Variants in MBD4 observed in about 807,000 individuals in gnomAD.
MBD4 encodes methyl-CpG binding domain 4, DNA glycosylase, also known as methyl-CpG-binding domain protein 4.
A neutral mutation model predicts 60.2 loss-of-function variants in MBD4; 53 were observed. The ratio of observed to expected loss-of-function variants is 0.88; its 90% CI spans 0.71 to 1.11. The LOEUF is 1.11. Ranked by LOEUF, MBD4 falls within the 50% of genes least tolerant of loss-of-function variation. The pLI is 0.00. For missense variants in MBD4, 619 were observed against 674.0 expected (o/e 0.92, Z 0.90); for synonymous variants, 231 against 229.8 (o/e 1.01, Z -0.05).
rs761201281 is a variant in MBD4 at position 129,436,506 on chromosome 3, A to G, written c.1138T>C (p.Ser380Pro). Residue 380 changes from serine (S) to proline (P), a missense_variant, in exon 3 of 8, where the codon TCT (serine) becomes CCT (proline). Ser to Pro is a moderately conservative substitution (Grantham distance 74). Transcript: ENST00000429544. Reference sequence around the variant, plus strand: ...GGTGAGCAGTTGTTGTCCATTTCAGAGCCACGTTTTAAAATGTCAGTATGC... The same window carrying G: ...GGTGAGCAGTTGTTGTCCATTTCAGGGCCACGTTTTAAAATGTCAGTATGC... ...HLHTDILKRG[S>P]EMDNNCSPTR... The G allele has an allele frequency of 4.3e-6, 7 of 1,614,086 alleles. No individual in the cohort carries two copies. The highest frequency in any genetic ancestry group is 1.1e-5 in the South Asian group (1 of 91,076).
At chr3:129,432,907 T>C (rs2072380266) in intron 6 of MBD4, among the ~76,000 whole-genome samples, 191 bp downstream of exon 6, 1 of 152,236 alleles carries the variant, frequency 6.6e-6, no homozygotes, top group Non-Finnish European at 1.5e-5. Flanking sequence ...GACCCAGTGC[T>C]GGGCAAAGAT....
rs965376057 is a variant in MBD4 at position 129,431,302 on chromosome 3, A to T, written c.*199T>A. ...TTGTTGTCAAATAATAATTTATTTT[A>T]AAAAAATCTCAAAACATGTTCAAAC... is the stretch of plus-strand genomic sequence containing the variant. On this transcript the variant is annotated 3_prime_UTR_variant, in exon 8 of 8. Coordinates refer to ENST00000429544, the MANE Select transcript of MBD4 (RefSeq NM_001276270.2). 55 of 542,014 alleles carry T rather than the reference A, an allele frequency of 1.0e-4. No homozygotes were observed. The highest frequency in any genetic ancestry group is 8.4e-4 in the East Asian group (28 of 33,218). 33.6% of individuals were successfully genotyped at this position (542,014 alleles called of 1,614,324 possible).
chr3:129,437,548 G>A (rs2072490320), intron 2 of MBD4, among the ~76,000 whole-genome samples, 172 bp downstream of exon 2: 1 of 152,198 alleles, frequency 6.6e-6, no homozygotes, highest in African/African-American at 2.4e-5. Context: ...GGGACAAAAT[G>A]TATGTAATTT....
intron 4 of MBD4, 23 bp downstream of exon 4, chr3:129,434,039 T>G (rs2072408349): frequency 6.2e-7 from 1 of 1,613,938 alleles, no homozygotes; most frequent in South Asian, 1.1e-5. Flanking sequence ...TAGAATTTGC[T>G]GTTCTGATTG....
At chr3:129,431,820 G>T (rs2107747991) in intron 7 of MBD4, among the ~76,000 whole-genome samples, 1 of 152,294 alleles carries the variant, frequency 6.6e-6, no homozygotes, top group South Asian at 2.1e-4. Context: ...CTTAGAATGT[G>T]GGGTGGCGAT....
rs2072366511 is a variant in MBD4, at chr3:129,432,499, T to C, written c.1647+4A>G. On this transcript the variant is annotated splice_donor_region_variant and intron_variant, in intron 7 of 7. Coordinates refer to ENST00000429544, the MANE Select transcript of MBD4 (RefSeq NM_001276270.2). Reference sequence around the variant, plus strand: ...GCTGAATTATGGATGGGAGTGAGCCTCACCTGCTTCCACTCATTGACACAA... The same window carrying C: ...GCTGAATTATGGATGGGAGTGAGCCCCACCTGCTTCCACTCATTGACACAA... 1 of 1,614,220 alleles carries C rather than the reference T, an allele frequency of 6.2e-7. No homozygotes were observed. Among genetic ancestry groups the C allele is most frequent in the Non-Finnish European group, 8.5e-7 (1 of 1,180,036 alleles).
chr3:129,432,576 G>A lies in MBD4; in HGVS notation c.1574C>T (p.Pro525Leu), dbSNP rs1183301238. Residue 525 changes from proline to leucine, a missense_variant, in exon 7 of 8, where the codon CCA becomes CTA. Coordinates refer to ENST00000429544, the MANE Select transcript of MBD4 (RefSeq NM_001276270.2). ...DEYLTKQWKY[P>L]IELHGIGKYG... Reference sequence around the variant, plus strand: ...TTTACCAATCCCATGAAGCTCAATTGGATACTTCCACTGCTTTGTCAGGTA... The same window carrying A: ...TTTACCAATCCCATGAAGCTCAATTAGATACTTCCACTGCTTTGTCAGGTA... The A allele has an allele frequency of 1.2e-6, 2 of 1,614,020 alleles. No homozygotes were observed. Among genetic ancestry groups the A allele is most frequent in the Admixed American group, 3.3e-5 (2 of 60,016 alleles).
rs370401547 is a variant in MBD4 at position 129,431,452 on chromosome 3, T to A, written c.*49A>T. 1.4e-6 allele frequency: 2 copies of A among 1,477,616 alleles called. No individual in the cohort carries two copies. Among genetic ancestry groups the A allele is most frequent in the Non-Finnish European group, 9.5e-7 (1 of 1,057,892 alleles). The allele number at this position is 1,477,616 out of a possible 1,614,324, so 91.5% of individuals were successfully genotyped here. ...GGTTGGTTGTACTTAATTAAGCTTT[T>A]TTGAAGTGCAAAGCTATGCATAACA... is the stretch of plus-strand genomic sequence containing the variant. On this transcript the variant is annotated 3_prime_UTR_variant, in exon 8 of 8. Coordinates refer to ENST00000429544, the MANE Select transcript of MBD4 (RefSeq NM_001276270.2).
chr3:129,434,649 C>G (rs2072423566), intron 3 of MBD4, among the ~76,000 whole-genome samples: 1 of 152,060 alleles, frequency 6.6e-6, no homozygotes, highest in South Asian at 2.1e-4. Flanking sequence ...AAAGGGGAAA[C>G]ATATATAAAT....
rs1235766182 is a variant in MBD4, at chr3:129,436,504, A to C, written c.1140T>G (p.Ser380=). 1 of 1,614,034 alleles carries C rather than the reference A, an allele frequency of 6.2e-7. No individual in the cohort carries two copies. The highest frequency in any genetic ancestry group is 1.3e-5 in the African/African-American group (1 of 74,936). Residue 380 remains serine (S), a synonymous_variant, in exon 3 of 8, where the codon TCT becomes TCG. Transcript: ENST00000429544. ...HLHTDILKRG[S]EMDNNCSPTR... ...TTGGTGAGCAGTTGTTGTCCATTTC[A>C]GAGCCACGTTTTAAAATGTCAGTAT...
chr3:129,434,062 C>A lies in MBD4; in HGVS notation c.1258G>T (p.Ala420Ser). 1.2e-6 allele frequency: 2 copies of A among 1,613,974 alleles called. No homozygotes were observed. Among genetic ancestry groups the A allele is most frequent in the Non-Finnish European group, 1.7e-6 (2 of 1,179,930 alleles). Residue 420 changes from alanine (A) to serine (S), a missense_variant and splice_region_variant, in exon 4 of 8, where the codon GCT (alanine) becomes TCT (serine). By Grantham distance (99) the Ala-to-Ser change is moderately conservative. Coordinates refer to ENST00000429544, the MANE Select transcript of MBD4 (RefSeq NM_001276270.2). The part of the protein sequence containing the change: ...LYFSSKYNKE[A>S]LSPPRRKAFK... The stretch of plus-strand genomic sequence containing the variant: ...GCTGTTCTGATTGGGAAAGGGATAC[C>A]TTCTTTGTTATATTTGCTGGAAAAA...
chr3:129,439,944 T>C lies in MBD4; in HGVS notation c.-111A>G, dbSNP rs2072721155. 3 of 855,990 alleles carry C rather than the reference T, an allele frequency of 3.5e-6. No homozygotes were observed. Among genetic ancestry groups the C allele is most frequent in the South Asian group, 2.8e-5 (2 of 70,200 alleles). 53.0% of individuals were successfully genotyped at this position (855,990 alleles called of 1,614,324 possible). On this transcript the variant is annotated 5_prime_UTR_variant, in exon 1 of 8. Coordinates refer to ENST00000429544, the MANE Select transcript of MBD4 (RefSeq NM_001276270.2). ...ACGGCACCGGGCTGCAACCGAGGTC[T>C]GAATGTTGCGAAAGCGCCCCAGACG...
chr3:129,434,258 C>T (rs2072415710), intron 3 of MBD4, 122 bp from the exon 4 acceptor site: 3 of 769,070 alleles, frequency 3.9e-6, no homozygotes, highest in East Asian at 2.6e-5. Context: ...AAGCCCTTTA[C>T]ATAAATACCC....
Position 129,436,857 on chromosome 3 carries a change from T to G in MBD4, c.787A>C (p.Lys263Gln). 1 of 1,614,186 alleles carries G rather than the reference T, an allele frequency of 6.2e-7. No individual in the cohort carries two copies. The highest frequency in any genetic ancestry group is 8.5e-7 in the Non-Finnish European group (1 of 1,180,032). The part of the protein sequence containing the change: ...SCSGFVQSDS[K>Q]RESVCNKADA... ...GCTTTATTACACACAGATTCTCTTT[T>G]GCTATCACTTTGAACAAAACCTGAA... is the stretch of plus-strand genomic sequence containing the variant. Residue 263 changes from lysine to glutamine, a missense_variant, in exon 3 of 8, where the codon AAA becomes CAA. Transcript: ENST00000429544.
chr3:129,439,892 G>A lies in MBD4; in HGVS notation c.-59C>T. On this transcript the variant is annotated 5_prime_UTR_variant, in exon 1 of 8. Transcript: ENST00000429544. ...GCCGCAACGCCCAGGGTGTGGGGCG[G>A]AGTAAGATGTGAAACCTCTTCAGCT... 8.2e-7 allele frequency: 1 copy of A among 1,213,684 alleles called. No homozygotes were observed. The highest frequency in any genetic ancestry group is 1.2e-6 in the Non-Finnish European group (1 of 824,620). 75.2% of individuals were successfully genotyped at this position (1,213,684 alleles called of 1,614,324 possible).
At chr3:129,432,069 G>T in intron 7 of MBD4, 1 of 897,754 alleles carries the variant, frequency 1.1e-6, no homozygotes, top group Non-Finnish European at 1.5e-6. Context: ...CACAGGCTGG[G>T]CATATTCAAC....
intron 3 of MBD4, among the ~76,000 whole-genome samples, chr3:129,435,456 A>AT (rs1417158142): frequency 6.6e-6 from 1 of 152,164 alleles, no homozygotes; most frequent in Admixed American, 6.5e-5. Context: ...ATATTTGCCC[A>AT]TTTTGCTAGC....
At chr3:129,432,964 T>G in intron 6 of MBD4, 134 bp downstream of exon 6, 1 of 1,220,164 alleles carries the variant, frequency 8.2e-7, no homozygotes, top group Non-Finnish European at 1.2e-6. Context: ...AAAGTGGACT[T>G]TTTTAAATGC....
Position 129,433,887 on chromosome 3 carries a change from C to T in MBD4, c.1356G>A (p.Lys452=). 1 of 1,614,164 alleles carries T rather than the reference C, an allele frequency of 6.2e-7. No homozygotes were observed. The highest frequency in any genetic ancestry group is 8.5e-7 in the Non-Finnish European group (1 of 1,179,992). Residue 452 remains lysine, a synonymous_variant, in exon 5 of 8, where the codon AAG becomes AAA. Coordinates refer to ENST00000429544, the MANE Select transcript of MBD4 (RefSeq NM_001276270.2). Reference sequence around the variant, plus strand: ...TGAGAAATATAGTAGCGATGAGAAGCTTCCATGGATCATGAAAAAGTGTTT... The same window carrying T: ...TGAGAAATATAGTAGCGATGAGAAGTTTCCATGGATCATGAAAAAGTGTTT... ...VQETLFHDPW[K]LLIATIFLNR... is the part of the protein sequence containing the mutation.
Sources: gnomAD v4.1 joint callset for allele counts (sites outside exome capture counted in the v4.1 genomes callset) on GRCh38, gnomAD v4.1.1 for gene constraint, MANE v1.5 for transcripts, NCBI Gene and HGNC (gene_info 2026-07-23, HGNC 2026-07-21) for gene names.